Variants in ATP2C2 observed in about 807,000 individuals in gnomAD.
The protein encoded by ATP2C2 is ATPase secretory pathway Ca2+ transporting 2, also known as calcium-transporting ATPase type 2C member 2.
ATP2C2 carries 171 observed loss-of-function variants against 110.8 expected under a neutral mutation model. That is an observed-to-expected ratio of 1.54 (90% CI 1.36 to 1.75). The LOEUF is 1.75. ATP2C2 is among the 40% of genes most tolerant of loss of function. The probability of loss-of-function intolerance (pLI) is 0.00; values close to 1 mark genes in which losing one functional copy is unlikely to be tolerated. For synonymous variants in ATP2C2, 804 were observed against 508.4 expected (o/e 1.58, Z -7.82); for missense variants, 1,963 against 1,235.0 (o/e 1.59, Z -8.84).
chr16:84,387,564 A>G lies in ATP2C2; in HGVS notation c.100-10935A>G, dbSNP rs533159764. Reference sequence around the variant, plus strand: ...CACAAAATGCCAGCCATGTGCACGTACTTAAATAAACTGTGGCATAGCCAT... The same window carrying G: ...CACAAAATGCCAGCCATGTGCACGTGCTTAAATAAACTGTGGCATAGCCAT... On this transcript the variant is annotated intron_variant, in intron 1 of 26. Coordinates refer to ENST00000262429, the MANE Select transcript of ATP2C2 (RefSeq NM_014861.4). Among the ~76,000 whole-genome samples, 9 of 152,300 alleles carry G rather than the reference A, an allele frequency of 5.9e-5. No homozygotes were observed. In the South Asian group the frequency reaches 1.9e-3, roughly 32 times the overall value.
chr16:84,445,776 G>T (rs1459493572), intron 15 of ATP2C2, among the ~76,000 whole-genome samples: 1 of 152,242 alleles, frequency 6.6e-6, no homozygotes, highest in East Asian at 1.9e-4. Flanking sequence ...CGTAAAAGGA[G>T]TAGTTTTTTG....
rs1911636706 is a variant in ATP2C2 at position 84,463,731 on chromosome 16, A to G, written c.2840A>G (p.Ter947TrpextTer90). The change falls in exon 27 of 27, where the codon TAG (stop) becomes TGG (tryptophan). Residue 947 changes from the stop codon to tryptophan, a stop_lost. Coordinates refer to ENST00000262429, the MANE Select transcript of ATP2C2 (RefSeq NM_014861.4). ...KRVQMHPEDV[*>W] ...GTCCAGATGCACCCTGAAGATGTGT[A>G]GTGGACCGCACTCCGCGGCACCTTC... The G allele has an allele frequency of 1.2e-6, 2 of 1,605,334 alleles. No homozygotes were observed. Among genetic ancestry groups the G allele is most frequent in the Non-Finnish European group, 1.7e-6 (2 of 1,175,286 alleles).
intron 7 of ATP2C2, among the ~76,000 whole-genome samples, chr16:84,416,883 G>A (rs143237167): frequency 1.7e-3 from 257 of 151,934 alleles, no homozygotes; most frequent in African/African-American, 5.8e-3. Context: ...GGGGAAGCTG[G>A]GCTCACATTT....
chr16:84,408,283 GT>G lies in ATP2C2; in HGVS notation c.328-121del. ...GTCTCCCCAGCCCTCGGTCACCATGGTGTTGACCTGGAAGCCTGGCCCTGAA... is the reference window on the plus strand; with the variant it reads ...GTCTCCCCAGCCCTCGGTCACCATGGGTTGACCTGGAAGCCTGGCCCTGAA... On this transcript the variant is annotated intron_variant, in intron 3 of 26. Coordinates refer to ENST00000262429, the MANE Select transcript of ATP2C2 (RefSeq NM_014861.4). 9.0e-6 allele frequency: 8 copies of G among 891,744 alleles called. No homozygotes were observed. In the South Asian group the frequency reaches 1.2e-4, roughly 13 times the overall value. 55.2% of individuals were successfully genotyped at this position (891,744 alleles called of 1,614,324 possible).
Position 84,460,761 on chromosome 16 carries a change from C to CCAT in ATP2C2, c.2450_2452dup (p.Ile817dup), listed in dbSNP as rs776329346. Reference sequence around the variant, plus strand: ...ATCCTGAAGATCCTCATGTCCGCGGCCATCATCATCAGCGGGACCCTCTTT... The same window carrying CCAT: ...ATCCTGAAGATCCTCATGTCCGCGGCCATCATCATCATCAGCGGGACCCTCTTT... On this transcript the variant is annotated inframe_insertion, in exon 24 of 27. Transcript: ENST00000262429. 2 of 1,614,008 alleles carry CCAT rather than the reference C, an allele frequency of 1.2e-6. No homozygotes were observed. The highest frequency in any genetic ancestry group is 8.5e-7 in the Non-Finnish European group (1 of 1,179,910).
intron 2 of ATP2C2, 125 bp from the exon 3 acceptor site, chr16:84,405,003 G>T (rs1241471345): frequency 8.4e-6 from 7 of 832,902 alleles, no homozygotes; most frequent in African/African-American, 6.7e-5. Flanking sequence ...CCAGCACCTT[G>T]GTGGACAAGC....
chr16:84,429,135 CGTT>C (rs1487452595), intron 11 of ATP2C2, among the ~76,000 whole-genome samples: 1 of 118,706 alleles, frequency 8.4e-6, no homozygotes, highest in Middle Eastern at 4.0e-3. Flanking sequence ...ATCTTCATGG[CGTT>C]GTTTTTTTTG....
Position 84,446,370 on chromosome 16 carries a change from A to C in ATP2C2, c.1443A>C (p.Lys481Asn). Residue 481 changes from lysine (K) to asparagine (N), a missense_variant, in exon 16 of 27, where the codon AAA (lysine) becomes AAC (asparagine). Transcript: ENST00000262429. ...TTAAAAATTCATATATAAGAAAAAA[A>C]GAGATTCCATTCAGTTCAGAGCAGA... ...SDIKNSYIRK[K>N]EIPFSSEQKW... 1 of 1,604,858 alleles carries C rather than the reference A, an allele frequency of 6.2e-7. No individual in the cohort carries two copies. Among genetic ancestry groups the C allele is most frequent in the Non-Finnish European group, 8.5e-7 (1 of 1,176,836 alleles).
chr16:84,445,240 G>A (rs577138360), intron 15 of ATP2C2, among the ~76,000 whole-genome samples: 14 of 145,972 alleles, frequency 9.6e-5, no homozygotes, highest in Middle Eastern at 3.6e-3. Flanking sequence ...ACGGAGTCTC[G>A]CTCTGTTGCC....
chr16:84,413,603 C>T lies in ATP2C2; in HGVS notation c.516-1880C>T, dbSNP rs1020883840. 1.1e-4 allele frequency among the ~76,000 whole-genome samples: 16 copies of T among 152,202 alleles called. 1 individual carries two copies. Among genetic ancestry groups the T allele is most frequent in the Admixed American group, 1.0e-3 (16 of 15,274 alleles). ...CCGATCTTAAGCTTAAATATCGAGT[C>T]TTGGCCTTTCAGGTGAATAGCGTGC... On this transcript the variant is annotated intron_variant, in intron 6 of 26. Coordinates refer to ENST00000262429, the MANE Select transcript of ATP2C2 (RefSeq NM_014861.4).
intron 21 of ATP2C2, 25 bp downstream of exon 21, chr16:84,455,009 T>A: frequency 6.3e-7 from 1 of 1,595,794 alleles, no homozygotes. Context: ...TGGTTGTTTT[T>A]CAGTTGCAAA....
intron 16 of ATP2C2, 132 bp downstream of exon 16, chr16:84,446,562 A>T (rs1909771659): frequency 1.8e-6 from 1 of 546,130 alleles, no homozygotes; most frequent in African/African-American, 2.0e-5. Flanking sequence ...ATACATGGAA[A>T]AACTTAATCA....
Position 84,452,196 on chromosome 16 carries a change from C to T in ATP2C2, c.1831+105C>T, listed in dbSNP as rs1361565893. On this transcript the variant is annotated intron_variant, in intron 18 of 26. Transcript: ENST00000262429. ...CTCCGCAAACTCGGTCAGGAGTGCTCACGCCTAGCCCTACAGGCTTAGAAA... is the reference window on the plus strand; with the variant it reads ...CTCCGCAAACTCGGTCAGGAGTGCTTACGCCTAGCCCTACAGGCTTAGAAA... 4 of 1,373,402 alleles carry T rather than the reference C, an allele frequency of 2.9e-6. No individual in the cohort carries two copies. In the African/African-American group the frequency reaches 5.8e-5, roughly 20 times the overall value. The allele number at this position is 1,373,402 out of a possible 1,614,324, so 85.1% of individuals were successfully genotyped here. A position where few individuals can be genotyped will look rare whatever the true frequency, so the allele number is the denominator to read the frequency against.
chr16:84,402,462 A>G (rs1396390227), intron 2 of ATP2C2, among the ~76,000 whole-genome samples: 1 of 152,170 alleles, frequency 6.6e-6, no homozygotes, highest in African/African-American at 2.4e-5. Flanking sequence ...CTTTTATTAC[A>G]TTGAGACATG....
intron 1 of ATP2C2, among the ~76,000 whole-genome samples, chr16:84,377,268 T>A (rs985697314): frequency 2.6e-5 from 4 of 152,124 alleles, no homozygotes; most frequent in Non-Finnish European, 5.9e-5. Context: ...GGAAATCATA[T>A]GGTAAGCGGG....
At position 84,461,757 on chromosome 16, in the gene ATP2C2, C is replaced by T. The variant is rs555869465; in HGVS notation, c.2525C>T (p.Thr842Met). The change falls in exon 25 of 27, where the codon ACG becomes ATG. Residue 842 changes from threonine (T) to methionine (M), a missense_variant. Transcript: ENST00000262429. ...RASTPRTTTMTFTCFVFFDLF... is the reference protein window; with the variant it reads ...RASTPRTTTMMFTCFVFFDLF... The stretch of plus-strand genomic sequence containing the variant: ...AGCACTCCCCGCACCACGACGATGA[C>T]GTTCACTTGTTTTGTGTTTTTCGAT... 2.4e-5 allele frequency: 39 copies of T among 1,614,222 alleles called. No homozygotes were observed. The highest frequency in any genetic ancestry group is 3.1e-5 in the Non-Finnish European group (36 of 1,180,034).
intron 26 of ATP2C2, 65 bp from the exon 27 acceptor site, chr16:84,463,549 C>T (rs993990424): frequency 1.8e-5 from 25 of 1,378,510 alleles, no homozygotes; most frequent in Admixed American, 5.1e-5. Context: ...GCAGGGAAGG[C>T]GCTTCCTGCC....
intron 1 of ATP2C2, among the ~76,000 whole-genome samples, chr16:84,375,689 G>A (rs774398948): frequency 2.0e-5 from 3 of 152,206 alleles, no homozygotes; most frequent in Admixed American, 6.5e-5. Context: ...ACAGGTGGTC[G>A]TAATTTCTTT....
intron 26 of ATP2C2, chr16:84,463,064 A>T (rs999073645): frequency 1.3e-5 from 2 of 156,218 alleles, no homozygotes; most frequent in Admixed American, 1.3e-4. Context: ...ACCCGCCGGG[A>T]AGGAAGTCGG....
Sources: gnomAD v4.1 joint callset for allele counts (sites outside exome capture counted in the v4.1 genomes callset) on GRCh38, gnomAD v4.1.1 for gene constraint, MANE v1.5 for transcripts, NCBI Gene and HGNC (gene_info 2026-07-23, HGNC 2026-07-21) for gene names.